Variants in INSL6 observed in about 807,000 individuals in gnomAD.
The protein encoded by INSL6 is insulin like 6, also known as insulin-like peptide INSL6.
In INSL6, 16 loss-of-function variants were observed where a neutral mutation model predicts 9.4. That is an observed-to-expected ratio of 1.70 (90% CI 1.15 to 2.59). INSL6 has a LOEUF of 2.59. Ranked by LOEUF, INSL6 falls within the 30% of genes most tolerant of loss-of-function variation. The pLI, the probability that INSL6 is intolerant of heterozygous loss-of-function variation, is 0.00. For synonymous variants in INSL6, 154 were observed against 96.9 expected (o/e 1.59, Z -3.46); for missense variants, 391 against 257.3 (o/e 1.52, Z -3.56).
chr9:5,051,129 A>G, the INSL6 span, among the ~76,000 whole-genome samples: 1 of 152,160 alleles, frequency 6.6e-6, no homozygotes, highest in Middle Eastern at 3.2e-3. Context: ...TATTTCAGAT[A>G]TTTGCAAGAG....
At chr9:5,134,470 C>G (rs377258351) in intron 2 of INSL6, among the ~76,000 whole-genome samples, 9 of 152,292 alleles carry the variant, frequency 5.9e-5, no homozygotes, top group African/African-American at 2.2e-4. Context: ...CAAAGGGAAG[C>G]CCATCAGACT....
chr9:5,159,499 G>C (rs1474221667), downstream of INSL6, among the ~76,000 whole-genome samples: 1 of 151,908 alleles, frequency 6.6e-6, no homozygotes, highest in East Asian at 1.9e-4. Context: ...AAGCAGGAGT[G>C]ACTCTACTTA....
At chr9:5,059,073 G>T in the INSL6 span, among the ~76,000 whole-genome samples, 1 of 151,870 alleles carries the variant, frequency 6.6e-6, no homozygotes, top group Admixed American at 6.6e-5. Flanking sequence ...TTTTTACTTT[G>T]TTGAGATATA....
the INSL6 span, among the ~76,000 whole-genome samples, chr9:5,063,794 T>C: frequency 6.6e-6 from 1 of 152,258 alleles, no homozygotes. Context: ...AAAAATATAA[T>C]ACGTCTATAT....
the INSL6 span, chr9:5,069,330 A>T: frequency 1.6e-6 from 1 of 634,776 alleles, no homozygotes; most frequent in South Asian, 2.3e-5. Flanking sequence ...AGTTAATTTT[A>T]TCTTATTCTA....
the INSL6 span, among the ~76,000 whole-genome samples, chr9:5,095,668 A>G: frequency 2.0e-5 from 3 of 152,150 alleles, no homozygotes; most frequent in African/African-American, 7.2e-5. Context: ...TTTCCCATCA[A>G]TAAACACGAC....
the INSL6 span, chr9:5,109,756 G>C: frequency 2.6e-5 from 4 of 152,086 alleles, no homozygotes; most frequent in African/African-American, 9.7e-5. Flanking sequence ...TATTCTAGTA[G>C]CACTATTTGT....
the INSL6 span, chr9:5,029,802 T>C: frequency 1.2e-6 from 2 of 1,611,442 alleles, no homozygotes; most frequent in Non-Finnish European, 1.7e-6. Context: ...CTGTGTATCA[T>C]AATATGTTTG....
At chr9:5,124,520 A>G (rs1823848521) in intron 3 of INSL6, among the ~76,000 whole-genome samples, 1 of 151,794 alleles carries the variant, frequency 6.6e-6, no homozygotes, top group African/African-American at 2.4e-5. Flanking sequence ...TCCTATCAAA[A>G]TACCAATGTC....
the INSL6 span, among the ~76,000 whole-genome samples, chr9:5,057,420 T>G: frequency 1.3e-5 from 2 of 152,040 alleles, no homozygotes; most frequent in African/African-American, 4.8e-5. Flanking sequence ...ATTTAGCATC[T>G]TAACCATTTT....
chr9:5,143,499 T>C (rs974894683), intron 2 of INSL6, among the ~76,000 whole-genome samples: 1 of 152,106 alleles, frequency 6.6e-6, no homozygotes, highest in African/African-American at 2.4e-5. Flanking sequence ...TATTATCTGA[T>C]GGTTGTCTGT....
the INSL6 span, among the ~76,000 whole-genome samples, chr9:4,995,040 T>C: frequency 6.6e-6 from 1 of 152,216 alleles, no homozygotes; most frequent in Non-Finnish European, 1.5e-5. Flanking sequence ...TATTGCCAAA[T>C]TGACATAGAA....
chr9:5,115,678 T>C, the INSL6 span, among the ~76,000 whole-genome samples: 21 of 152,312 alleles, frequency 1.4e-4, no homozygotes, highest in East Asian at 1.9e-4. Context: ...CCATCAATGA[T>C]AGACTGGATA....
the INSL6 span, chr9:5,080,182 T>C: frequency 3.2e-5 from 44 of 1,394,026 alleles, no homozygotes; most frequent in Non-Finnish European, 4.2e-5. Flanking sequence ...AAAAGATTGG[T>C]TTACTTGTGA....
At chr9:5,020,156 T>C in the INSL6 span, among the ~76,000 whole-genome samples, 1 of 152,098 alleles carries the variant, frequency 6.6e-6, no homozygotes, top group African/African-American at 2.4e-5. Context: ...CAGTTGTCTG[T>C]GCTTATGTCG....
chr9:5,040,124 G>A, the INSL6 span, among the ~76,000 whole-genome samples: 9 of 152,196 alleles, frequency 5.9e-5, no homozygotes, highest in African/African-American at 2.2e-4. Flanking sequence ...TTAATGGAAA[G>A]GAATTGACAG....
the INSL6 span, among the ~76,000 whole-genome samples, chr9:5,001,085 G>A: frequency 6.6e-6 from 1 of 152,178 alleles, no homozygotes; most frequent in Non-Finnish European, 1.5e-5. Flanking sequence ...TCATTTATAA[G>A]TTCTAGTAAT....
intron 2 of INSL6, among the ~76,000 whole-genome samples, chr9:5,151,207 C>G (rs1176453257): frequency 7.3e-6 from 1 of 136,306 alleles, no homozygotes; most frequent in Admixed American, 7.2e-5. Context: ...TGTAACAAAT[C>G]TGCACTTATA....
At chr9:5,080,562 G>A in the INSL6 span, 1 of 1,597,078 alleles carries the variant, frequency 6.3e-7, no homozygotes, top group Non-Finnish European at 8.5e-7. Context: ...ATAGGCATCA[G>A]CTTCCTGCAC....
Sources: gnomAD v4.1 joint callset for allele counts (sites outside exome capture counted in the v4.1 genomes callset) on GRCh38, gnomAD v4.1.1 for gene constraint, MANE v1.5 for transcripts, NCBI Gene and HGNC (gene_info 2026-07-23, HGNC 2026-07-21) for gene names.